The following COL5A2 variants were observed in gnomAD, a reference collection of about 807,000 sequenced individuals.
The protein encoded by COL5A2 is collagen alpha-2(V) chain.
In COL5A2, 23 loss-of-function variants were observed where a neutral mutation model predicts 208.2. The observed-to-expected ratio is 0.11, with a 90% confidence interval of 0.08 to 0.16. The LOEUF (loss-of-function observed/expected upper bound fraction) is 0.16. Ranked by LOEUF, COL5A2 falls within the 10% of genes least tolerant of loss-of-function variation. The pLI, the probability that COL5A2 is intolerant of heterozygous loss-of-function variation, is 1.00. For synonymous variants in COL5A2, 625 were observed against 628.5 expected, an observed-to-expected ratio of 0.99 and a Z score of 0.08; for missense variants, 1,590 against 1,956.4, an observed-to-expected ratio of 0.81 and a Z score of 3.53.
chr2:189,087,821 T>G (rs758510656), intron 8 of COL5A2, among the ~76,000 whole-genome samples: 4 of 150,028 alleles, frequency 2.7e-5, no homozygotes, highest in Non-Finnish European at 5.9e-5. Flanking sequence ...GAATGGAACA[T>G]ATAGTAAGAA....
At chr2:189,330,161 G>A in the COL5A2 span, among the ~76,000 whole-genome samples, 10 of 152,088 alleles carry the variant, frequency 6.6e-5, no homozygotes, top group African/African-American at 2.2e-4. Flanking sequence ...TGTAGCAAAC[G>A]GCAGGGGCAG....
At position 189,045,840 on chromosome 2, in the gene COL5A2, G is replaced by A; in HGVS notation, c.3269C>T (p.Pro1090Leu). 6.2e-7 allele frequency: 1 copy of A among 1,614,148 alleles called. No homozygotes were observed. The highest frequency in any genetic ancestry group is 1.1e-5 in the South Asian group (1 of 91,082). Reference protein sequence around the residue: ...GSQGAPGTPGPVGAPGDAGQR... With the variant: ...GSQGAPGTPGLVGAPGDAGQR... ...TCCTGCATCTCCTGGAGCACCCACA[G>A]GGCCAGGAGTTCCAGGGGCACCCTG... The change falls in exon 46 of 54, where the codon CCT becomes CTT. Residue 1090 changes from proline to leucine, a missense_variant. Physicochemically the swap from Pro to Leu is moderately conservative, Grantham distance 98 (BLOSUM62 -3). Coordinates refer to ENST00000374866, the MANE Select transcript of COL5A2 (RefSeq NM_000393.5).
the COL5A2 span, among the ~76,000 whole-genome samples, chr2:189,436,660 C>T: frequency 2.0e-5 from 3 of 152,106 alleles, no homozygotes; most frequent in African/African-American, 7.2e-5. Context: ...CTATGGAATA[C>T]TATGCAGCCA....
the COL5A2 span, among the ~76,000 whole-genome samples, chr2:189,345,832 G>A: frequency 6.6e-6 from 1 of 152,040 alleles, no homozygotes; most frequent in Non-Finnish European, 1.5e-5. Context: ...AATAGAAGGA[G>A]AGAATAGTGA....
At chr2:189,357,320 G>T in the COL5A2 span, among the ~76,000 whole-genome samples, 2 of 152,172 alleles carry the variant, frequency 1.3e-5, no homozygotes, top group Non-Finnish European at 2.9e-5. Context: ...TAAGTCTGCT[G>T]AAGCTACACC....
At chr2:189,097,243 A>G (rs1169378825) in intron 6 of COL5A2, 34 bp downstream of exon 6, 2 of 1,608,316 alleles carry the variant, frequency 1.2e-6, no homozygotes, top group Non-Finnish European at 8.5e-7. Flanking sequence ...GACTGGCTGT[A>G]CGTTCCCCAC....
At chr2:189,333,518 A>G in the COL5A2 span, among the ~76,000 whole-genome samples, 198 of 152,252 alleles carry the variant, frequency 1.3e-3, 2 homozygotes, top group African/African-American at 3.8e-3. Context: ...GTGAGTAGCT[A>G]TATGTTATGA....
At chr2:189,371,571 A>G in the COL5A2 span, among the ~76,000 whole-genome samples, 3 of 152,226 alleles carry the variant, frequency 2.0e-5, no homozygotes, top group Non-Finnish European at 4.4e-5. Context: ...CACCCATGTT[A>G]TGCCCTAGCA....
chr2:189,248,182 T>C, the COL5A2 span, among the ~76,000 whole-genome samples: 1 of 152,228 alleles, frequency 6.6e-6, no homozygotes, highest in Non-Finnish European at 1.5e-5. Context: ...AATGTGCTTT[T>C]TTCAGTGTCA....
chr2:189,140,440 A>G (rs1014079174), intron 1 of COL5A2, among the ~76,000 whole-genome samples: 2 of 152,202 alleles, frequency 1.3e-5, no homozygotes, highest in Non-Finnish European at 2.9e-5. Flanking sequence ...ATTTGGCATT[A>G]TATTATAAAA....
chr2:189,198,829 T>C (rs1689038245), intron 1 of COL5A2, among the ~76,000 whole-genome samples: 1 of 152,150 alleles, frequency 6.6e-6, no homozygotes, highest in Admixed American at 6.5e-5. Context: ...ACCTGAAAGG[T>C]AAACTAAAAA....
chr2:189,158,177 A>C (rs1688292257), intron 1 of COL5A2, among the ~76,000 whole-genome samples: 1 of 152,044 alleles, frequency 6.6e-6, no homozygotes, highest in Non-Finnish European at 1.5e-5. Flanking sequence ...ACTCCATAGT[A>C]ATGACTTTTA....
the COL5A2 span, among the ~76,000 whole-genome samples, chr2:189,416,520 A>G: frequency 1.3e-5 from 2 of 152,164 alleles, no homozygotes; most frequent in Admixed American, 1.3e-4. Context: ...ATGAGAACAC[A>G]TGGACACAGG....
chr2:189,053,805 A>C, intron 37 of COL5A2, 90 bp downstream of exon 37: 1 of 1,143,990 alleles, frequency 8.7e-7, no homozygotes, highest in South Asian at 1.3e-5. Flanking sequence ...AAAACCAATA[A>C]GCATTGTTTT....
chr2:189,195,855 A>G (rs1053096743), intron 1 of COL5A2, among the ~76,000 whole-genome samples: 1 of 152,224 alleles, frequency 6.6e-6, no homozygotes, highest in Non-Finnish European at 1.5e-5. Flanking sequence ...ATAAAATCCT[A>G]GAATAAAGCC....
the COL5A2 span, among the ~76,000 whole-genome samples, chr2:189,300,323 C>G: frequency 6.6e-6 from 1 of 152,140 alleles, no homozygotes; most frequent in Non-Finnish European, 1.5e-5. Context: ...AGAAGATAAT[C>G]AGAAATTACA....
At chr2:189,043,472 T>C (rs1685601941) in intron 47 of COL5A2, among the ~76,000 whole-genome samples, 1 of 152,150 alleles carries the variant, frequency 6.6e-6, no homozygotes, top group Admixed American at 6.5e-5. Flanking sequence ...TGAAAAAAGA[T>C]ATAATAAGAA....
intron 31 of COL5A2, among the ~76,000 whole-genome samples, chr2:189,060,184 CAT>C (rs1576500297): frequency 6.6e-6 from 1 of 152,112 alleles, no homozygotes; most frequent in East Asian, 1.9e-4. Context: ...TTTCCATAAA[CAT>C]AGTACCTCCC....
intron 50 of COL5A2, among the ~76,000 whole-genome samples, chr2:189,039,914 GGTA>G (rs1685523126): frequency 2.0e-5 from 3 of 152,030 alleles, no homozygotes; most frequent in Non-Finnish European, 4.4e-5. Context: ...TTTTCGTCAA[GGTA>G]CAACCAAAAT....
Sources: allele counts gnomAD v4.1 joint callset (sites outside exome capture counted in the v4.1 genomes callset), GRCh38; gene constraint gnomAD v4.1.1; transcripts MANE v1.5; gene names NCBI Gene and HGNC (gene_info 2026-07-23, HGNC 2026-07-21).